Variants in ZNF420 observed in about 807,000 individuals in gnomAD.
ZNF420 encodes the protein zinc finger protein 420.
In ZNF420, 31 loss-of-function variants were observed where a neutral mutation model predicts 44.7. The ratio of observed to expected loss-of-function variants is 0.69; its 90% confidence interval spans 0.52 to 0.94. The LOEUF (loss-of-function observed/expected upper bound fraction) is 0.94, where lower values mean the gene tolerates loss of function less well. ZNF420 is among the 40% of genes least tolerant of loss of function. ZNF420 has a pLI of 0.00. For synonymous variants in ZNF420, 245 were observed against 267.4 expected, an observed-to-expected ratio of 0.92 and a Z score of 0.82; for missense variants, 681 against 827.9, an observed-to-expected ratio of 0.82 and a Z score of 2.18.
At chr19:37,123,773 G>C (rs1308463039) in intron 4 of ZNF420, among the ~76,000 whole-genome samples, 1 of 150,812 alleles carries the variant, frequency 6.6e-6, no homozygotes, top group Admixed American at 6.6e-5. Flanking sequence ...CAGCTAATTT[G>C]TGTGTGTGTA....
At chr19:37,043,755 G>A (rs1296222281) in intron 1 of ZNF420, among the ~76,000 whole-genome samples, 1 of 152,158 alleles carries the variant, frequency 6.6e-6, no homozygotes, top group Non-Finnish European at 1.5e-5. Context: ...TTACAGGCAT[G>A]AGCCACCATG....
chr19:37,103,923 A>C (rs1416608076), intron 4 of ZNF420, among the ~76,000 whole-genome samples: 4 of 152,040 alleles, frequency 2.6e-5, no homozygotes, highest in African/African-American at 9.7e-5. Flanking sequence ...TTACAGAAAA[A>C]TACAAAAGAA....
rs1181012639 is a variant in ZNF420, at chr19:37,128,558, A to G, written c.1567A>G (p.Arg523Gly). The G allele has an allele frequency of 6.2e-7, 1 of 1,613,812 alleles. No homozygotes were observed. The highest frequency in any genetic ancestry group is 1.3e-5 in the African/African-American group (1 of 74,856). ...TQSSHLSQHQ[R>G]LHTGEKPYVC... ...GAGTTCACATCTTTCCCAACATCAA[A>G]GACTTCACACTGGTGAGAAACCCTA... The change falls in exon 5 of 5, where the codon AGA (arginine) becomes GGA (glycine). Residue 523 changes from arginine (R) to glycine (G), a missense_variant. Arg to Gly is a moderately radical substitution (Grantham distance 125). Around this residue, in one of 3 missense-constraint regions of ZNF420, gnomAD observed 280 missense variants for 338.6 expected, o/e 0.83. Coordinates refer to ENST00000337995, the MANE Select transcript of ZNF420 (RefSeq NM_144689.5).
intron 1 of ZNF420, among the ~76,000 whole-genome samples, chr19:37,050,303 G>T (rs1410155173): frequency 6.6e-6 from 1 of 152,104 alleles, no homozygotes; most frequent in African/African-American, 2.4e-5. Context: ...AAATTACCTT[G>T]GGCAGTATGG....
intron 4 of ZNF420, chr19:37,107,536 A>C (rs1425008676): frequency 2.6e-5 from 4 of 152,178 alleles, no homozygotes; most frequent in Non-Finnish European, 5.9e-5. Context: ...TACAGAACAA[A>C]ACGGAGTCTC....
chr19:37,052,247 A>G (rs1162795935), intron 1 of ZNF420, among the ~76,000 whole-genome samples: 4 of 151,926 alleles, frequency 2.6e-5, no homozygotes, highest in Non-Finnish European at 5.9e-5. Context: ...TTTTGAGCCT[A>G]TGTGTGTCTC....
rs1022937994 is a variant in ZNF420 at position 37,128,163 on chromosome 19, A to G, written c.1172A>G (p.Tyr391Cys). 5.6e-6 allele frequency: 9 copies of G among 1,614,034 alleles called. No homozygotes were observed. Among genetic ancestry groups the G allele is most frequent in the African/African-American group, 2.7e-5 (2 of 74,932 alleles). ...AGAATTCACACCAATGAAAAGCCCTATGAATGTAAGGAATGTGGAAAGATG... is the reference window on the plus strand; with the variant it reads ...AGAATTCACACCAATGAAAAGCCCTGTGAATGTAAGGAATGTGGAAAGATG... ...HQRIHTNEKP[Y>C]ECKECGKMFS... Residue 391 changes from tyrosine (Y) to cysteine (C), a missense_variant, in exon 5 of 5, where the codon TAT becomes TGT. By Grantham distance (194) the Tyr-to-Cys change is radical. Transcript: ENST00000337995.
intron 1 of ZNF420, among the ~76,000 whole-genome samples, chr19:37,044,463 A>G (rs779132167): frequency 3.9e-5 from 6 of 152,230 alleles, no homozygotes; most frequent in Admixed American, 1.3e-4. Flanking sequence ...GTAACAGATG[A>G]GACTCTGCTC....
At chr19:37,044,854 G>A (rs569100419) in intron 1 of ZNF420, among the ~76,000 whole-genome samples, 1 of 152,260 alleles carries the variant, frequency 6.6e-6, no homozygotes, top group South Asian at 2.1e-4. Context: ...TAATAATAAT[G>A]TTTTCTACAA....
chr19:37,039,867 C>G (rs2146408661), intron 1 of ZNF420, among the ~76,000 whole-genome samples: 1 of 151,986 alleles, frequency 6.6e-6, no homozygotes, highest in Non-Finnish European at 1.5e-5. Flanking sequence ...TACATAGCTA[C>G]TTTTTGATTT....
intron 4 of ZNF420, among the ~76,000 whole-genome samples, chr19:37,125,034 C>T (rs1044367910): frequency 1.3e-5 from 2 of 152,134 alleles, no homozygotes; most frequent in Admixed American, 6.6e-5. Flanking sequence ...GACGGGTTTT[C>T]ACCATGTTGG....
At chr19:37,074,475 G>T (rs1158291310), upstream of ZNF420, among the ~76,000 whole-genome samples, 1 of 151,954 alleles carries the variant, frequency 6.6e-6, no homozygotes, top group Non-Finnish European at 1.5e-5. Context: ...ACAAAAACAG[G>T]CTGGGGGAAT....
At chr19:37,111,343 A>G (rs1970378088) in intron 4 of ZNF420, among the ~76,000 whole-genome samples, 1 of 152,258 alleles carries the variant, frequency 6.6e-6, no homozygotes, top group African/African-American at 2.4e-5. Flanking sequence ...TTGACATGGC[A>G]TAAGTAGGAA....
chr19:37,101,778 A>G (rs1969792206), intron 4 of ZNF420, among the ~76,000 whole-genome samples: 1 of 152,246 alleles, frequency 6.6e-6, no homozygotes, highest in South Asian at 2.1e-4. Context: ...ACCTGAGCCC[A>G]GAAGACTGTC....
chr19:37,116,139 GCTGAT>G (rs1243005429), intron 4 of ZNF420, among the ~76,000 whole-genome samples: 2 of 152,010 alleles, frequency 1.3e-5, no homozygotes, highest in African/African-American at 4.8e-5. Context: ...ACAGTAAGAG[GCTGAT>G]CTCTCTTTCT....
At chr19:37,023,647 T>A (rs540476508) in intron 1 of ZNF420, among the ~76,000 whole-genome samples, 24 of 152,326 alleles carry the variant, frequency 1.6e-4, no homozygotes, top group African/African-American at 5.5e-4. Context: ...ATTACAGGCG[T>A]GAGCCACTGT....
chr19:37,128,876 C>G lies in ZNF420; in HGVS notation c.1885C>G (p.His629Asp). 6.2e-7 allele frequency: 1 copy of G among 1,613,948 alleles called. No homozygotes were observed. Among genetic ancestry groups the G allele is most frequent in the South Asian group, 1.1e-5 (1 of 91,074 alleles). ...TAGAAAGGCCTTTACTCAGAGTTCA[C>G]ATCTTTCTCGGCATCAGAGAATTCA... ...ECRKAFTQSS[H>D]LSRHQRIHTG... The change falls in exon 5 of 5, where the codon CAT (histidine) becomes GAT (aspartate). Residue 629 changes from histidine (H) to aspartate (D), a missense_variant. Coordinates refer to ENST00000337995, the MANE Select transcript of ZNF420 (RefSeq NM_144689.5).
At chr19:37,112,866 C>A (rs115405944) in intron 4 of ZNF420, among the ~76,000 whole-genome samples, 2,932 of 152,280 alleles carry the variant, frequency 0.019, 77 homozygotes, top group East Asian at 0.05. Flanking sequence ...GTCCTACAGT[C>A]CCCTCAGGCC....
intron 1 of ZNF420, among the ~76,000 whole-genome samples, chr19:37,012,241 G>A (rs79927931): frequency 0.33 from 49,710 of 152,108 alleles, 8,327 homozygotes; most frequent in Non-Finnish European, 0.35. Context: ...CTTGGATCCA[G>A]GTGCCCTCCT....
Sources: gnomAD v4.1 joint callset for allele counts (sites outside exome capture counted in the v4.1 genomes callset) on GRCh38, gnomAD v4.1.1 for gene constraint, gnomAD v4.1.1 regional missense constraint, MANE v1.5 for transcripts, NCBI Gene and HGNC (gene_info 2026-07-23, HGNC 2026-07-21) for gene names.